The following OPCML variants were observed in gnomAD, a reference collection of about 807,000 sequenced individuals.
OPCML encodes opioid-binding protein/cell adhesion molecule.
In OPCML, 13 loss-of-function variants were observed where a neutral mutation model predicts 37.8. The observed-to-expected ratio is 0.34, with a 90% CI of 0.22 to 0.55. OPCML has a LOEUF of 0.55. Ranked by LOEUF, OPCML falls within the 20% of genes least tolerant of loss-of-function variation. The pLI, the probability that OPCML is intolerant of heterozygous loss-of-function variation, is 0.91. For missense variants in OPCML, 341 were observed against 435.6 expected, an observed-to-expected ratio of 0.78 and a Z score of 1.93; for synonymous variants, 176 against 168.8, an observed-to-expected ratio of 1.04 and a Z score of -0.33.
intron 3 of OPCML, among the ~76,000 whole-genome samples, chr11:132,592,110 C>G (rs541462810): frequency 6.6e-6 from 1 of 152,184 alleles, no homozygotes; most frequent in Non-Finnish European, 1.5e-5. Context: ...GAAAGCTATA[C>G]GAAGAGCAAT....
intron 2 of OPCML, among the ~76,000 whole-genome samples, chr11:132,716,376 G>T (rs1944476835): frequency 6.6e-6 from 1 of 150,380 alleles, no homozygotes; most frequent in Non-Finnish European, 1.5e-5. Flanking sequence ...TTGTCTGTCT[G>T]TCTATCTGTC....
intron 3 of OPCML, among the ~76,000 whole-genome samples, chr11:132,549,975 G>C (rs1250373794): frequency 1.3e-5 from 2 of 152,056 alleles, no homozygotes; most frequent in Non-Finnish European, 2.9e-5. Flanking sequence ...CCTGGTGCTC[G>C]ATAACAAACC....
At chr11:132,433,008 G>T (rs2096002438) in intron 7 of OPCML, among the ~76,000 whole-genome samples, 1 of 152,188 alleles carries the variant, frequency 6.6e-6, no homozygotes, top group South Asian at 2.1e-4. Flanking sequence ...GGACTGGCCT[G>T]CTCAGAGAGG....
chr11:132,688,802 T>C (rs1943274797), intron 2 of OPCML, among the ~76,000 whole-genome samples: 1 of 53,762 alleles, frequency 1.9e-5, no homozygotes, highest in South Asian at 5.5e-4. Flanking sequence ...TACAAAAAAT[T>C]AGCCGGGCGC....
intron 2 of OPCML, among the ~76,000 whole-genome samples, chr11:132,782,659 A>G (rs11223204): frequency 0.37 from 55,729 of 151,520 alleles, 10,755 homozygotes; most frequent in Non-Finnish European, 0.43. Flanking sequence ...AAGAATAAAA[A>G]CTTTCTCCTG....
At chr11:133,122,061 C>T (rs1264355814) in intron 1 of OPCML, among the ~76,000 whole-genome samples, 1 of 152,134 alleles carries the variant, frequency 6.6e-6, no homozygotes, top group African/African-American at 2.4e-5. Flanking sequence ...CCCATATTCT[C>T]ATATATATCC....
chr11:133,302,058 A>G (rs1419467971), intron 1 of OPCML: 1 of 152,184 alleles, frequency 6.6e-6, no homozygotes, highest in Non-Finnish European at 1.5e-5. Flanking sequence ...TTATTGTGCT[A>G]AGTTACATGA....
intron 2 of OPCML, among the ~76,000 whole-genome samples, chr11:132,878,239 G>C (rs772156665): frequency 1.3e-5 from 2 of 152,058 alleles, no homozygotes; most frequent in African/African-American, 4.8e-5. Context: ...TGCTGTAATT[G>C]TTACTTTTGT....
chr11:133,248,224 C>T (rs548802839), intron 1 of OPCML, among the ~76,000 whole-genome samples: 2 of 152,204 alleles, frequency 1.3e-5, no homozygotes, highest in South Asian at 2.1e-4. Flanking sequence ...GAGCATGCCC[C>T]TTTTTTCAAA....
intron 1 of OPCML, among the ~76,000 whole-genome samples, chr11:133,511,104 T>C (rs2120621951): frequency 6.6e-6 from 1 of 152,322 alleles, no homozygotes; most frequent in South Asian, 2.1e-4. Flanking sequence ...GAGTCCTCCG[T>C]GAATCCACTC....
chr11:133,528,358 C>T (rs999628552), intron 1 of OPCML, among the ~76,000 whole-genome samples: 3 of 152,328 alleles, frequency 2.0e-5, no homozygotes, highest in South Asian at 2.1e-4. Flanking sequence ...GGCTAAAGGA[C>T]GATGGGAACT....
chr11:132,735,698 T>C (rs545863139), intron 2 of OPCML, among the ~76,000 whole-genome samples: 68 of 152,288 alleles, frequency 4.5e-4, no homozygotes, highest in African/African-American at 1.6e-3. Context: ...TTAGCCAGGA[T>C]GGTCTCGATC....
intron 1 of OPCML, among the ~76,000 whole-genome samples, chr11:133,283,073 T>A (rs1342991032): frequency 6.6e-6 from 1 of 151,998 alleles, no homozygotes; most frequent in African/African-American, 2.4e-5. Context: ...TTGGAACGAG[T>A]TAAGGCTTTG....
At chr11:132,912,002 A>C (rs549524624) in intron 2 of OPCML, among the ~76,000 whole-genome samples, 1 of 152,240 alleles carries the variant, frequency 6.6e-6, no homozygotes, top group African/African-American at 2.4e-5. Context: ...CATCTTGAAA[A>C]TTTGGAACTA....
rs570977547 is a variant in OPCML, at chr11:132,718,203, G to A, written c.147-60884C>T. ...GTCTTGGTGCGCTGTCTCTGTACTC[G>A]CAGGAGATTCTCCTCGAGCTCAAGC... On this transcript the variant is annotated intron_variant, in intron 2 of 7. Transcript: ENST00000524381. Among the ~76,000 whole-genome samples the A allele has an allele frequency of 2.6e-5, 4 of 152,138 alleles. No homozygotes were observed. The South Asian group carries it at 8.3e-4, about 32-fold the overall frequency.
At chr11:133,232,029 G>A (rs1270466575) in intron 1 of OPCML, among the ~76,000 whole-genome samples, 1 of 152,118 alleles carries the variant, frequency 6.6e-6, no homozygotes, top group East Asian at 1.9e-4. Flanking sequence ...AAGGACGAGG[G>A]AGAGGAAGAG....
chr11:132,567,526 A>G (rs1203852576), intron 3 of OPCML, among the ~76,000 whole-genome samples: 2 of 152,170 alleles, frequency 1.3e-5, no homozygotes, highest in African/African-American at 2.4e-5. Context: ...AGGTCTCCAC[A>G]ATAGGGAAAT....
chr11:132,639,143 A>T (rs1466561185), intron 3 of OPCML, among the ~76,000 whole-genome samples: 1 of 152,216 alleles, frequency 6.6e-6, no homozygotes, highest in Non-Finnish European at 1.5e-5. Flanking sequence ...TTGATTAGAA[A>T]AATCAAAACT....
At chr11:132,659,364 G>C (rs563258970) in intron 2 of OPCML, among the ~76,000 whole-genome samples, 1 of 152,258 alleles carries the variant, frequency 6.6e-6, no homozygotes, top group South Asian at 2.1e-4. Context: ...CCTAAGGATA[G>C]GTGAATTTTC....
Sources: allele counts gnomAD v4.1 joint callset (sites outside exome capture counted in the v4.1 genomes callset), GRCh38; gene constraint gnomAD v4.1.1; transcripts MANE v1.5; gene names NCBI Gene and HGNC (gene_info 2026-07-23, HGNC 2026-07-21).